The following ITCH variants were observed in gnomAD, a reference collection of about 807,000 sequenced individuals.
ITCH encodes the protein E3 ubiquitin-protein ligase Itchy homolog.
ITCH carries 28 observed loss-of-function variants against 126.8 expected under a neutral mutation model. The ratio of observed to expected loss-of-function variants is 0.22; its 90% CI spans 0.16 to 0.30. The LOEUF is 0.30. Among genes scored for constraint, ITCH ranks in the 10% least tolerant of loss-of-function variants. ITCH has a pLI of 1.00. For missense variants in ITCH, 631 were observed against 1,032.4 expected, an observed-to-expected ratio of 0.61 and a Z score of 5.33; for synonymous variants, 342 against 340.0, an observed-to-expected ratio of 1.01 and a Z score of -0.06.
intron 2 of ITCH, among the ~76,000 whole-genome samples, chr20:34,393,047 G>A (rs2038541995): frequency 6.6e-6 from 1 of 152,156 alleles, no homozygotes. Flanking sequence ...GCGTGATGGG[G>A]TGATCATTTT....
At chr20:34,393,646 T>TAA (rs2038564405) in intron 2 of ITCH, 145 bp from the exon 3 acceptor site, 1 of 688,664 alleles carries the variant, frequency 1.5e-6, no homozygotes, top group Non-Finnish European at 2.7e-6. Context: ...TTAGGTAGGA[T>TAA]AAAGACTAGA....
chr20:34,445,260 G>GTTTTTTTTTTTTTTTT (rs376762756), intron 10 of ITCH, 27 bp from the exon 11 acceptor site: 2 of 1,436,204 alleles, frequency 1.4e-6, no homozygotes, highest in African/African-American at 1.5e-5. Flanking sequence ...GAATTAGCTT[G>GTTTTTTTTTTTTTTTT]TTTTTTTTTT....
At chr20:34,401,791 A>C (rs2038895705) in intron 3 of ITCH, 1 of 209,054 alleles carries the variant, frequency 4.8e-6, no homozygotes, top group African/African-American at 2.4e-5. Context: ...AAGATGTCCC[A>C]GAGTGGAATC....
At chr20:34,391,604 T>A (rs899428241) in intron 2 of ITCH, among the ~76,000 whole-genome samples, 26 of 152,312 alleles carry the variant, frequency 1.7e-4, no homozygotes, top group Non-Finnish European at 3.4e-4. Context: ...TTTTTTGATA[T>A]TATACAAATA....
Position 34,471,446 on chromosome 20 carries a change from A to G in ITCH, c.1500A>G (p.Gln500=). 6.3e-7 allele frequency: 1 copy of G among 1,595,614 alleles called. No individual in the cohort carries two copies. Among genetic ancestry groups the G allele is most frequent in the African/African-American group, 1.3e-5 (1 of 74,668 alleles). The change falls in exon 16 of 25, where the codon CAA becomes CAG. Residue 500 remains glutamine (Q), a splice_region_variant and synonymous_variant. Coordinates refer to ENST00000374864, the MANE Select transcript of ITCH (RefSeq NM_031483.7). ...CTTAAGTCATTCTTCTATTTCAGCA[A>G]CTGGCCATGCCACAGCACATAAAGA... is the stretch of plus-strand genomic sequence containing the variant. The part of the protein sequence containing the change: ...KVQYFRFWCQ[Q]LAMPQHIKIT...
chr20:34,444,640 G>GTGTTT (rs544546857), intron 10 of ITCH, among the ~76,000 whole-genome samples: 16 of 152,148 alleles, frequency 1.1e-4, no homozygotes, highest in African/African-American at 3.4e-4. Context: ...TTGTGTGTGT[G>GTGTTT]TGTTTTGTTT....
intron 23 of ITCH, among the ~76,000 whole-genome samples, chr20:34,496,473 T>A (rs575091377): frequency 6.6e-6 from 1 of 152,332 alleles, no homozygotes; most frequent in East Asian, 1.9e-4. Flanking sequence ...TGTCTATTTT[T>A]ATTTTTGTTG....
At position 34,449,271 on chromosome 20, in the gene ITCH, C is replaced by T. The variant is rs191183916; in HGVS notation, c.1141-140C>T. ...CAAACCAAAGTATATTGGCATTTAT[C>T]CATAACCATGTGACACTTCTTTAAG... On this transcript the variant is annotated intron_variant, in intron 11 of 24. Transcript: ENST00000374864. 269 of 599,580 alleles carry T rather than the reference C, an allele frequency of 4.5e-4. No homozygotes were observed. In the African/African-American group the frequency reaches 4.6e-3, roughly 10 times the overall value. The allele number at this position is 599,580 out of a possible 1,614,324, so 37.1% of individuals were successfully genotyped here. A position where few individuals can be genotyped will look rare whatever the true frequency, so the allele number is the denominator to read the frequency against.
chr20:34,478,401 A>G (rs1256869467), intron 17 of ITCH, among the ~76,000 whole-genome samples: 2 of 152,216 alleles, frequency 1.3e-5, no homozygotes, highest in Non-Finnish European at 2.9e-5. Flanking sequence ...TGCTTTCTTC[A>G]TATTGGAGCT....
chr20:34,397,316 C>T (rs1211586050), intron 3 of ITCH, among the ~76,000 whole-genome samples: 6 of 152,120 alleles, frequency 3.9e-5, no homozygotes, highest in Non-Finnish European at 5.9e-5. Flanking sequence ...CCACCGCGTC[C>T]GGCCTGTAAG....
At chr20:34,444,853 G>T (rs969760943) in intron 10 of ITCH, among the ~76,000 whole-genome samples, 1 of 152,090 alleles carries the variant, frequency 6.6e-6, no homozygotes, top group Non-Finnish European at 1.5e-5. Flanking sequence ...TGGTGGCCAG[G>T]CTGGTCTTGA....
At chr20:34,481,403 A>C (rs1988737099) in intron 20 of ITCH, among the ~76,000 whole-genome samples, 197 bp downstream of exon 20, 1 of 152,176 alleles carries the variant, frequency 6.6e-6, no homozygotes, top group Non-Finnish European at 1.5e-5. Flanking sequence ...GATAAAAGTC[A>C]TGCAGGATCA....
intron 14 of ITCH, among the ~76,000 whole-genome samples, chr20:34,465,187 T>A (rs1986936440): frequency 6.6e-6 from 1 of 152,222 alleles, no homozygotes; most frequent in Non-Finnish European, 1.5e-5. Context: ...GTGGCACCAT[T>A]GTCAATAGCA....
chr20:34,491,537 C>T (rs1435040989), intron 22 of ITCH, among the ~76,000 whole-genome samples: 3 of 151,652 alleles, frequency 2.0e-5, no homozygotes, highest in Admixed American at 2.0e-4. Flanking sequence ...TGGTTAAAAT[C>T]GAGAATTTAT....
chr20:34,395,460 G>A (rs1184464493), intron 3 of ITCH, among the ~76,000 whole-genome samples: 2 of 152,156 alleles, frequency 1.3e-5, no homozygotes, highest in Non-Finnish European at 2.9e-5. Context: ...GACTTACTTA[G>A]TTCAGCAAGT....
intron 23 of ITCH, among the ~76,000 whole-genome samples, chr20:34,495,213 C>T (rs1989781570): frequency 6.7e-6 from 1 of 149,318 alleles, no homozygotes; most frequent in Admixed American, 6.7e-5. Context: ...TGCAGTGAGT[C>T]GAGATTATGC....
Position 34,440,332 on chromosome 20 carries a change from C to T in ITCH, c.857C>T (p.Pro286Leu). 1 of 1,613,514 alleles carries T rather than the reference C, an allele frequency of 6.2e-7. No homozygotes were observed. Among genetic ancestry groups the T allele is most frequent in the Non-Finnish European group, 8.5e-7 (1 of 1,179,414 alleles). The change falls in exon 9 of 25, where the codon CCC becomes CTC. Residue 286 changes from proline (P) to leucine (L), a missense_variant. By Grantham distance (98) the Pro-to-Leu change is moderately conservative. Coordinates refer to ENST00000374864, the MANE Select transcript of ITCH (RefSeq NM_031483.7). ...CCATTAAATCCTGTAACTCAAGCTCCCTTGCCACCTGGGTGAGTAACTTTT... is the reference window on the plus strand; with the variant it reads ...CCATTAAATCCTGTAACTCAAGCTCTCTTGCCACCTGGGTGAGTAACTTTT... ...PRPLNPVTQA[P>L]LPPGWEQRVD...
At chr20:34,456,184 GTA>G (rs1326551793) in intron 12 of ITCH, among the ~76,000 whole-genome samples, 2,138 of 47,020 alleles carry the variant, frequency 0.045, 128 homozygotes, top group Middle Eastern at 0.075. Flanking sequence ...GTGTGTGTGT[GTA>G]TATATATATA....
intron 3 of ITCH, among the ~76,000 whole-genome samples, chr20:34,405,141 CAAAAAAAAA>C (rs1170286039): frequency 1.7e-5 from 1 of 58,236 alleles, no homozygotes; most frequent in Non-Finnish European, 3.0e-5. Context: ...GACCCTGTCT[CAAAAAAAAA>C]AAAAAAAAAA....
Sources: allele counts gnomAD v4.1 joint callset (sites outside exome capture counted in the v4.1 genomes callset), GRCh38; gene constraint gnomAD v4.1.1; transcripts MANE v1.5; gene names NCBI Gene and HGNC (gene_info 2026-07-23, HGNC 2026-07-21).